FGF14: variants seen among roughly 807,000 people sequenced by gnomAD.
FGF14 encodes the protein fibroblast growth factor homologous factor 4.
Under a neutral mutation model 25.5 loss-of-function variants are expected in FGF14, and 5 were observed. The observed-to-expected ratio is 0.20, with a 90% confidence interval of 0.10 to 0.41. The LOEUF (loss-of-function observed/expected upper bound fraction) is 0.41, where lower values mean the gene tolerates loss of function less well. FGF14 is among the 10% of genes least tolerant of loss of function. The probability of loss-of-function intolerance (pLI) is 1.00; values close to 1 mark genes in which losing one functional copy is unlikely to be tolerated. For synonymous variants in FGF14, 138 were observed against 118.3 expected, an observed-to-expected ratio of 1.17 and a Z score of -1.08; for missense variants, 222 against 320.1, an observed-to-expected ratio of 0.69 and a Z score of 2.34.
At chr13:102,148,028 CT>C (rs907263008) in intron 1 of FGF14, among the ~76,000 whole-genome samples, 5 of 152,046 alleles carry the variant, frequency 3.3e-5, no homozygotes, top group Admixed American at 2.0e-4. Context: ...TTAGCAAAAT[CT>C]TTTTTTAATA....
chr13:102,048,313 C>G (rs538133584), intron 1 of FGF14, among the ~76,000 whole-genome samples: 2 of 152,242 alleles, frequency 1.3e-5, no homozygotes, highest in Admixed American at 6.5e-5. Flanking sequence ...TAATAAATAC[C>G]TGTACTGCAT....
chr13:101,965,750 A>G (rs1489786147), intron 1 of FGF14, among the ~76,000 whole-genome samples: 1 of 151,992 alleles, frequency 6.6e-6, no homozygotes, highest in African/African-American at 2.4e-5. Flanking sequence ...GGAGAAGTCA[A>G]TTTACTTTAA....
intron 3 of FGF14, among the ~76,000 whole-genome samples, chr13:101,851,185 G>T (rs1236805871): frequency 6.6e-6 from 1 of 151,912 alleles, no homozygotes; most frequent in Non-Finnish European, 1.5e-5. Flanking sequence ...TTATAAAGAG[G>T]GACAATGAAC....
Position 102,275,232 on chromosome 13 carries a change from A to ATTTCTC in FGF14, c.208+126233_208+126238dup, listed in dbSNP as rs1330778930. The stretch of plus-strand genomic sequence containing the variant: ...TAATCTGCCAACTGAGATTAGGCAG[A>ATTTCTC]TTTCTCTCTCTCTCTCTCTCTCTCT... On this transcript the variant is annotated intron_variant, in intron 1 of 4. Transcript: ENST00000376131. 1.2e-3 allele frequency among the ~76,000 whole-genome samples: 113 copies of ATTTCTC among 92,462 alleles called. 1 individual carries two copies. The highest frequency in any genetic ancestry group is 4.9e-3 in the African/African-American group (111 of 22,602). 60.7% of individuals were successfully genotyped at this position (92,462 alleles called of 152,430 possible).
chr13:102,399,237 T>C (rs1172107067), intron 1 of FGF14, among the ~76,000 whole-genome samples: 2 of 152,024 alleles, frequency 1.3e-5, no homozygotes, highest in Non-Finnish European at 1.5e-5. Context: ...ACAAAAAAAA[T>C]TATAAAGGCC....
chr13:102,248,974 T>C (rs548940574), intron 1 of FGF14, among the ~76,000 whole-genome samples: 27 of 152,166 alleles, frequency 1.8e-4, no homozygotes, highest in East Asian at 9.7e-4. Context: ...GTGCCATTGA[T>C]AGACTAAGGA....
At chr13:102,100,692 C>T (rs2044619947) in intron 1 of FGF14, among the ~76,000 whole-genome samples, 3 of 152,226 alleles carry the variant, frequency 2.0e-5, no homozygotes, top group Admixed American at 6.5e-5. Context: ...GCATACACAG[C>T]ATGGGAGCCA....
At chr13:101,980,181 T>G (rs879759688) in intron 1 of FGF14, among the ~76,000 whole-genome samples, 21 of 152,236 alleles carry the variant, frequency 1.4e-4, no homozygotes, top group Admixed American at 2.0e-4. Flanking sequence ...AAATGTGCAA[T>G]GAAGTCTAAT....
chr13:102,029,410 T>A (rs968971431), intron 1 of FGF14, among the ~76,000 whole-genome samples: 1 of 152,116 alleles, frequency 6.6e-6, no homozygotes, highest in Non-Finnish European at 1.5e-5. Flanking sequence ...ACAAATATTT[T>A]ATCTTACAGC....
chr13:102,186,604 C>T (rs375063713), intron 1 of FGF14, among the ~76,000 whole-genome samples: 16 of 152,150 alleles, frequency 1.1e-4, no homozygotes, highest in African/African-American at 2.7e-4. Context: ...TACATGCACA[C>T]GTAAAGTTTG....
intron 1 of FGF14, among the ~76,000 whole-genome samples, chr13:102,235,247 A>AT (rs1408909874): frequency 6.6e-6 from 1 of 152,282 alleles, no homozygotes; most frequent in Non-Finnish European, 1.5e-5. Flanking sequence ...AATATGATCC[A>AT]TTAATCATGT....
At chr13:101,765,718 T>TTATTTTA (rs1555377152) in intron 3 of FGF14, among the ~76,000 whole-genome samples, 52 of 143,382 alleles carry the variant, frequency 3.6e-4, no homozygotes, top group African/African-American at 1.3e-3. Flanking sequence ...ATTATTATTA[T>TTATTTTA]TTTATTTATT....
intron 3 of FGF14, among the ~76,000 whole-genome samples, chr13:101,746,786 C>A (rs1566848432): frequency 6.6e-6 from 1 of 151,842 alleles, no homozygotes; most frequent in Non-Finnish European, 1.5e-5. Flanking sequence ...AAAATGGTGT[C>A]CCTTCTATCA....
At chr13:102,308,883 C>A (rs1407845887) in intron 1 of FGF14, among the ~76,000 whole-genome samples, 1 of 135,838 alleles carries the variant, frequency 7.4e-6, no homozygotes, top group African/African-American at 2.8e-5. Context: ...ACTTCGGAGC[C>A]ACTTTGTATA....
At chr13:101,910,627 CTG>C (rs995761808) in intron 1 of FGF14, among the ~76,000 whole-genome samples, 6 of 151,976 alleles carry the variant, frequency 3.9e-5, no homozygotes, top group Admixed American at 1.3e-4. Context: ...GGTGTAGACA[CTG>C]TGTCTGCATT....
chr13:102,305,869 A>G (rs909359205), intron 1 of FGF14, among the ~76,000 whole-genome samples: 5 of 152,200 alleles, frequency 3.3e-5, no homozygotes, highest in Non-Finnish European at 7.4e-5. Flanking sequence ...ATCACACATT[A>G]CAGAGAAGAA....
At chr13:101,949,483 T>G (rs2036022896) in intron 1 of FGF14, among the ~76,000 whole-genome samples, 1 of 152,150 alleles carries the variant, frequency 6.6e-6, no homozygotes, top group Admixed American at 6.5e-5. Context: ...GGGTACTATT[T>G]AGTAAATGGA....
intron 1 of FGF14, among the ~76,000 whole-genome samples, chr13:101,879,754 G>GAA (rs11433562): frequency 2.0e-5 from 3 of 151,850 alleles, no homozygotes; most frequent in Admixed American, 1.3e-4. Context: ...ATTAGCTATG[G>GAA]AAAAAATCAC....
At chr13:102,157,537 T>C (rs966595241) in intron 1 of FGF14, among the ~76,000 whole-genome samples, 9 of 152,072 alleles carry the variant, frequency 5.9e-5, no homozygotes, top group Admixed American at 1.3e-4. Flanking sequence ...AAATGTTAGA[T>C]CTAAAACCAT....
Sources: gnomAD v4.1 joint callset for allele counts (sites outside exome capture counted in the v4.1 genomes callset) on GRCh38, gnomAD v4.1.1 for gene constraint, MANE v1.5 for transcripts, NCBI Gene and HGNC (gene_info 2026-07-23, HGNC 2026-07-21) for gene names.